SETD3: variants seen among roughly 807,000 people sequenced by gnomAD.
The protein encoded by SETD3 is SET domain containing 3, actin N3(tau)-histidine methyltransferase.
A neutral mutation model predicts 63.0 loss-of-function variants in SETD3; 19 were observed. The observed-to-expected ratio is 0.30, with a 90% CI of 0.21 to 0.44. SETD3 has a LOEUF of 0.44. Ranked by LOEUF, SETD3 falls within the 20% of genes least tolerant of loss-of-function variation. SETD3 has a pLI of 1.00. For synonymous variants in SETD3, 286 were observed against 264.1 expected, an observed-to-expected ratio of 1.08 and a Z score of -0.80; for missense variants, 587 against 728.5, an observed-to-expected ratio of 0.81 and a Z score of 2.24.
chr14:99,434,928 T>C (rs1893396388), intron 6 of SETD3, among the ~76,000 whole-genome samples: 1 of 150,336 alleles, frequency 6.7e-6, no homozygotes, highest in Non-Finnish European at 1.5e-5. Context: ...TAAATCTCAA[T>C]TTTTAAAAAA....
At chr14:99,412,930 C>T in intron 8 of SETD3, 21 bp downstream of exon 8, 2 of 1,521,140 alleles carry the variant, frequency 1.3e-6, no homozygotes, top group Non-Finnish European at 1.8e-6. Context: ...TTCAACACAA[C>T]ACAGGGGAAG....
intron 1 of SETD3, among the ~76,000 whole-genome samples, chr14:99,471,236 G>A (rs571107844): frequency 6.6e-6 from 1 of 152,308 alleles, no homozygotes; most frequent in South Asian, 2.1e-4. Context: ...TTGAGTAAAA[G>A]AAAATCTTTG....
intron 1 of SETD3, among the ~76,000 whole-genome samples, chr14:99,472,774 C>A (rs1895773017): frequency 6.6e-6 from 1 of 152,034 alleles, no homozygotes; most frequent in African/African-American, 2.4e-5. Flanking sequence ...AGACTGAAAT[C>A]AGGTATAATT....
intron 6 of SETD3, among the ~76,000 whole-genome samples, chr14:99,441,113 G>A (rs1483718663): frequency 6.6e-6 from 1 of 152,228 alleles, no homozygotes; most frequent in South Asian, 2.1e-4. Context: ...GTCATAGAGG[G>A]ACAAAAGTGT....
At chr14:99,477,808 A>G (rs1216717043) in intron 1 of SETD3, among the ~76,000 whole-genome samples, 2 of 150,786 alleles carry the variant, frequency 1.3e-5, no homozygotes, top group Non-Finnish European at 2.9e-5. Flanking sequence ...ATTAATATAT[A>G]TTAATATTTT....
rs747435396 is a variant in SETD3 at position 99,458,306 on chromosome 14, C to T, written c.648G>A (p.Gln216=). The T allele has an allele frequency of 2.2e-5, 36 of 1,613,898 alleles. No individual in the cohort carries two copies. Among genetic ancestry groups the T allele is most frequent in the Admixed American group, 3.3e-5 (2 of 59,978 alleles). The change falls in exon 6 of 13, where the codon CAG becomes CAA. Residue 216 remains glutamine, a synonymous_variant. Transcript: ENST00000331768. Reference sequence around the variant, plus strand: ...GGATGACTTTATAGAAGTAGGCGTACTGTCGAGCTGTGTTTTTATACTGGC... The same window carrying T: ...GGATGACTTTATAGAAGTAGGCGTATTGTCGAGCTGTGTTTTTATACTGGC... ...VFSQYKNTAR[Q]YAYFYKVIQT...
In SETD3 at chr14:99,398,724, G is replaced by A. The variant is rs372983826; in HGVS notation, c.1740C>T (p.Asp580=). 25 of 1,614,074 alleles carry A rather than the reference G, an allele frequency of 1.5e-5. No individual in the cohort carries two copies. Among genetic ancestry groups the A allele is most frequent in the Non-Finnish European group, 2.0e-5 (24 of 1,180,044 alleles). ...TGCTGTCTGAAGAAGATCCTTTGGC[G>A]TCTTCAACTGCTCTTTTACTTTCTT... The part of the protein sequence containing the change: ...LNQESKRAVE[D]AKGSSSDSTA... Residue 580 remains aspartate, a synonymous_variant, in exon 13 of 13, where the codon GAC becomes GAT. Coordinates refer to ENST00000331768, the MANE Select transcript of SETD3 (RefSeq NM_032233.3).
chr14:99,431,272 T>C (rs568934164), intron 6 of SETD3, among the ~76,000 whole-genome samples: 78 of 152,320 alleles, frequency 5.1e-4, no homozygotes, highest in African/African-American at 1.9e-3. Context: ...ATCTTTCCAA[T>C]ACCAACCTAA....
chr14:99,469,024 C>A (rs768910710), intron 1 of SETD3, among the ~76,000 whole-genome samples: 1 of 152,180 alleles, frequency 6.6e-6, no homozygotes, highest in Admixed American at 6.5e-5. Flanking sequence ...TTGGAACAGA[C>A]AGGAAATGTC....
At chr14:99,425,319 T>TA (rs1892821942) in intron 6 of SETD3, among the ~76,000 whole-genome samples, 1 of 152,174 alleles carries the variant, frequency 6.6e-6, no homozygotes, top group South Asian at 2.1e-4. Flanking sequence ...TTAACTCTCC[T>TA]AGAGTAGGAG....
At position 99,407,793 on chromosome 14, in the gene SETD3, A is replaced by C. The variant is rs537952437; in HGVS notation, c.850-1203T>G. Reference sequence around the variant, plus strand: ...CCAGCCCAAGTCACGTTATCTGTGCACCTGCCTCCCCGTCGGTCACACTTG... The same window carrying C: ...CCAGCCCAAGTCACGTTATCTGTGCCCCTGCCTCCCCGTCGGTCACACTTG... On this transcript the variant is annotated intron_variant, in intron 8 of 12. Coordinates refer to ENST00000331768, the MANE Select transcript of SETD3 (RefSeq NM_032233.3). Among the ~76,000 whole-genome samples the C allele has an allele frequency of 2.6e-4, 39 of 152,012 alleles. 2 individuals are homozygous for C. The South Asian group carries it at 8.2e-3, about 32-fold the overall frequency.
At chr14:99,474,063 G>A (rs1486194274) in intron 1 of SETD3, among the ~76,000 whole-genome samples, 1 of 152,196 alleles carries the variant, frequency 6.6e-6, no homozygotes, top group East Asian at 1.9e-4. Context: ...GCTCACACCT[G>A]CAATCCCAGC....
chr14:99,467,903 G>A (rs954111981), intron 1 of SETD3, among the ~76,000 whole-genome samples: 1 of 152,108 alleles, frequency 6.6e-6, no homozygotes, highest in African/African-American at 2.4e-5. Context: ...CCCAACTCCA[G>A]TTGCTCATTG....
chr14:99,413,777 G>A, intron 7 of SETD3, 99 bp downstream of exon 7: 1 of 1,088,974 alleles, frequency 9.2e-7, no homozygotes, highest in Non-Finnish European at 1.4e-6. Context: ...AACGGTCACA[G>A]CAGGTCACTT....
Position 99,468,786 on chromosome 14 carries a change from T to C in SETD3, c.-8-2973A>G, listed in dbSNP as rs550620975. Among the ~76,000 whole-genome samples the C allele has an allele frequency of 4.6e-5, 7 of 152,354 alleles. No individual in the cohort carries two copies. In the South Asian group the frequency reaches 6.2e-4, roughly 14 times the overall value. ...CTCTTCTCTGCACCTCTGCAATTCC[T>C]TGTATGTTCTCCCATTATTGCTGGG... On this transcript the variant is annotated intron_variant, in intron 1 of 12. Transcript: ENST00000331768.
rs1566867756 is a variant in SETD3, at chr14:99,398,712, A to T, written c.1752T>A (p.Ser584=). Residue 584 remains serine (S), a synonymous_variant, in exon 13 of 13, where the codon TCT becomes TCA. Coordinates refer to ENST00000331768, the MANE Select transcript of SETD3 (RefSeq NM_032233.3). ...SKRAVEDAKG[S]SSDSTAGVKE Reference sequence around the variant, plus strand: ...TAACTCCAGCAGTGCTGTCTGAAGAAGATCCTTTGGCGTCTTCAACTGCTC... The same window carrying T: ...TAACTCCAGCAGTGCTGTCTGAAGATGATCCTTTGGCGTCTTCAACTGCTC... The T allele has an allele frequency of 6.2e-7, 1 of 1,614,066 alleles. No individual in the cohort carries two copies. The highest frequency in any genetic ancestry group is 1.7e-5 in the Admixed American group (1 of 60,006).
chr14:99,413,746 T>G, intron 7 of SETD3, 130 bp downstream of exon 7: 8 of 801,016 alleles, frequency 1.0e-5, no homozygotes, highest in Non-Finnish European at 1.7e-5. Context: ...TTCTGAAAGA[T>G]GAGCTCTGTT....
intron 6 of SETD3, among the ~76,000 whole-genome samples, chr14:99,454,021 A>C (rs1894614093): frequency 6.6e-6 from 1 of 152,178 alleles, no homozygotes; most frequent in Non-Finnish European, 1.5e-5. Flanking sequence ...AGCGTGAGAC[A>C]ACCCAAGGTC....
At chr14:99,456,656 C>T (rs1257655605) in intron 6 of SETD3, among the ~76,000 whole-genome samples, 1 of 152,122 alleles carries the variant, frequency 6.6e-6, no homozygotes, top group Non-Finnish European at 1.5e-5. Flanking sequence ...TCTAAGGAAG[C>T]TTATTTCAGG....
Sources: gnomAD v4.1 joint callset for allele counts (sites outside exome capture counted in the v4.1 genomes callset) on GRCh38, gnomAD v4.1.1 for gene constraint, MANE v1.5 for transcripts, NCBI Gene and HGNC (gene_info 2026-07-23, HGNC 2026-07-21) for gene names.